ZMIZ1: variants seen among roughly 807,000 people sequenced by gnomAD.
The protein encoded by ZMIZ1 is zinc finger MIZ-type containing 1.
In ZMIZ1, 17 loss-of-function variants were observed where a neutral mutation model predicts 113.9. The ratio of observed to expected loss-of-function variants is 0.15; its 90% CI spans 0.10 to 0.22. The LOEUF (loss-of-function observed/expected upper bound fraction) is 0.22, where lower values mean the gene tolerates loss of function less well. ZMIZ1 is among the 10% of genes least tolerant of loss of function. ZMIZ1 has a pLI of 1.00. For missense variants in ZMIZ1, 1,059 were observed against 1,477.8 expected (o/e 0.72, Z 4.65); for synonymous variants, 607 against 603.1 (o/e 1.01, Z -0.09).
Position 79,297,795 on chromosome 10 carries a change from T to C in ZMIZ1, c.1491+105T>C, listed in dbSNP as rs1854003728. On this transcript the variant is annotated intron_variant, in intron 14 of 24. Transcript: ENST00000334512. Reference sequence around the variant, plus strand: ...CTCTCTGGACATTCAAAGGGGCCCATGGGTGGGGGTGCACTCCCTGGTCCC... The same window carrying C: ...CTCTCTGGACATTCAAAGGGGCCCACGGGTGGGGGTGCACTCCCTGGTCCC... The C allele has an allele frequency of 4.3e-6, 4 of 935,602 alleles. No individual in the cohort carries two copies. In the African/African-American group the frequency reaches 6.6e-5, roughly 15 times the overall value. 58.0% of individuals were successfully genotyped at this position (935,602 alleles called of 1,614,324 possible).
chr10:79,138,373 C>T (rs1402103535), intron 2 of ZMIZ1, among the ~76,000 whole-genome samples: 2 of 152,198 alleles, frequency 1.3e-5, no homozygotes, highest in South Asian at 2.1e-4. Context: ...GGAGCCTGAC[C>T]GGAGGGGCAG....
intron 4 of ZMIZ1, among the ~76,000 whole-genome samples, chr10:79,184,247 C>T (rs544490319): frequency 3.3e-5 from 5 of 152,296 alleles, no homozygotes; most frequent in Admixed American, 6.5e-5. Context: ...GGACAGAAAG[C>T]GCTGGCCAGA....
At chr10:79,158,798 C>T (rs1845997846) in intron 3 of ZMIZ1, among the ~76,000 whole-genome samples, 1 of 152,226 alleles carries the variant, frequency 6.6e-6, no homozygotes, top group South Asian at 2.1e-4. Context: ...TCCCTACCCC[C>T]AAGTGACATC....
chr10:79,147,546 G>A (rs1275259643), intron 3 of ZMIZ1, among the ~76,000 whole-genome samples: 1 of 152,208 alleles, frequency 6.6e-6, no homozygotes, highest in Non-Finnish European at 1.5e-5. Context: ...GGCTAGGCAG[G>A]GATAGGGGTT....
At chr10:79,306,033 T>C in intron 21 of ZMIZ1, 67 bp from the exon 22 acceptor site, 1 of 1,567,886 alleles carries the variant, frequency 6.4e-7, no homozygotes, top group Non-Finnish European at 8.6e-7. Context: ...CTGTCGGAGC[T>C]GGAGGTGCTT....
At chr10:79,101,236 T>C (rs775766554) in intron 1 of ZMIZ1, among the ~76,000 whole-genome samples, 19 of 151,942 alleles carry the variant, frequency 1.3e-4, no homozygotes, top group Non-Finnish European at 1.3e-4. Flanking sequence ...ATGGAAGGGG[T>C]TCTCAGCACA....
chr10:79,075,101 G>A (rs1006743235), intron 1 of ZMIZ1, among the ~76,000 whole-genome samples: 2 of 152,296 alleles, frequency 1.3e-5, no homozygotes, highest in East Asian at 1.9e-4. Flanking sequence ...CTCTGCCCCA[G>A]CCCCAGCTCC....
intron 19 of ZMIZ1, among the ~76,000 whole-genome samples, chr10:79,304,792 T>C (rs1450554154): frequency 6.6e-6 from 1 of 152,204 alleles, no homozygotes; most frequent in Non-Finnish European, 1.5e-5. Context: ...TACAGATGGA[T>C]GAACTTGATC....
chr10:79,085,069 G>A (rs538704576), intron 1 of ZMIZ1, among the ~76,000 whole-genome samples: 7 of 152,154 alleles, frequency 4.6e-5, no homozygotes, highest in Non-Finnish European at 1.0e-4. Flanking sequence ...TGTAGATCCC[G>A]GCCTGTGCTC....
At chr10:79,161,854 A>T (rs998287136) in intron 3 of ZMIZ1, among the ~76,000 whole-genome samples, 199 bp from the exon 4 acceptor site, 9 of 62,000 alleles carry the variant, frequency 1.5e-4, no homozygotes, top group African/African-American at 4.2e-4. Flanking sequence ...AGAGTCTGAG[A>T]GCATATCTGT....
chr10:79,147,765 C>G (rs946866315), intron 3 of ZMIZ1, among the ~76,000 whole-genome samples: 1 of 152,186 alleles, frequency 6.6e-6, no homozygotes, highest in Non-Finnish European at 1.5e-5. Context: ...CACCGCCGAG[C>G]CTCTCATGGA....
At chr10:79,124,782 G>T (rs10762848) in intron 2 of ZMIZ1, among the ~76,000 whole-genome samples, 13,466 of 152,258 alleles carry the variant, frequency 0.088, 1,270 homozygotes, top group African/African-American at 0.24. Context: ...CTGCACAACT[G>T]GGTGGCATGG....
At position 79,267,268 on chromosome 10, in the gene ZMIZ1, AAGGG is replaced by A. The variant is rs1851663684; in HGVS notation, c.281-9912_281-9909del. ...TCTGCCCCAGGGAGCACCCAGTGTG[AAGGG>A]GTGGTGTGAGGCTGGGCACTCCTGA... On this transcript the variant is annotated intron_variant, in intron 7 of 24. Coordinates refer to ENST00000334512, the MANE Select transcript of ZMIZ1 (RefSeq NM_020338.4). Among the ~76,000 whole-genome samples, 9 of 152,298 alleles carry A rather than the reference AAGGG, an allele frequency of 5.9e-5. No individual in the cohort carries two copies. In the South Asian group the frequency reaches 1.9e-3, roughly 32 times the overall value.
intron 2 of ZMIZ1, among the ~76,000 whole-genome samples, chr10:79,123,258 C>T (rs867465077): frequency 7.2e-5 from 11 of 152,314 alleles, no homozygotes; most frequent in Non-Finnish European, 1.5e-4. Flanking sequence ...TGGCAGATTG[C>T]GGCTGTGGAC....
chr10:79,267,750 G>A (rs778983288), intron 7 of ZMIZ1, among the ~76,000 whole-genome samples: 36 of 152,154 alleles, frequency 2.4e-4, no homozygotes, highest in Non-Finnish European at 4.0e-4. Context: ...GAGATGGGCC[G>A]TCTCTCACTT....
chr10:79,099,318 T>C (rs1843275618), intron 1 of ZMIZ1, among the ~76,000 whole-genome samples: 1 of 152,070 alleles, frequency 6.6e-6, no homozygotes, highest in Non-Finnish European at 1.5e-5. Flanking sequence ...GACCCCATGC[T>C]CCCATGAGCA....
At chr10:79,301,642 T>C (rs1321560109) in intron 17 of ZMIZ1, among the ~76,000 whole-genome samples, 2 of 152,136 alleles carry the variant, frequency 1.3e-5, no homozygotes, top group East Asian at 1.9e-4. Context: ...GTCACAGACC[T>C]GGGCAGCACA....
intron 7 of ZMIZ1, among the ~76,000 whole-genome samples, chr10:79,218,224 A>G (rs1158923954): frequency 6.6e-6 from 1 of 152,226 alleles, no homozygotes; most frequent in Non-Finnish European, 1.5e-5. Context: ...CTGTAATCCC[A>G]GCACTTTGGG....
intron 7 of ZMIZ1, among the ~76,000 whole-genome samples, chr10:79,264,261 G>A (rs770290970): frequency 2.6e-5 from 4 of 152,202 alleles, no homozygotes; most frequent in Non-Finnish European, 5.9e-5. Flanking sequence ...TCTTGAGCTT[G>A]CCTCTCTCCT....
Sources: allele counts gnomAD v4.1 joint callset (sites outside exome capture counted in the v4.1 genomes callset), GRCh38; gene constraint gnomAD v4.1.1; transcripts MANE v1.5; gene names NCBI Gene and HGNC (gene_info 2026-07-23, HGNC 2026-07-21).